CBFB: variants seen among roughly 807,000 people sequenced by gnomAD.
The protein encoded by CBFB is CBF-beta.
In CBFB, 9 loss-of-function variants were observed where a neutral mutation model predicts 30.4. The observed-to-expected ratio is 0.30, with a 90% confidence interval of 0.18 to 0.52. The LOEUF (loss-of-function observed/expected upper bound fraction) is 0.52. Among genes scored for constraint, CBFB ranks in the 20% least tolerant of loss-of-function variants. The pLI, the probability that CBFB is intolerant of heterozygous loss-of-function variation, is 0.97. For missense variants in CBFB, 170 were observed against 244.0 expected, an observed-to-expected ratio of 0.70 and a Z score of 2.02; for synonymous variants, 94 against 84.0, an observed-to-expected ratio of 1.12 and a Z score of -0.65.
chr16:67,084,783 G>T (rs979878422), intron 5 of CBFB, among the ~76,000 whole-genome samples: 3 of 151,800 alleles, frequency 2.0e-5, no homozygotes, highest in African/African-American at 7.3e-5. Context: ...GTGTGTGCGT[G>T]CATGGGTGCA....
chr16:67,043,851 G>A (rs1241096163), intron 3 of CBFB, among the ~76,000 whole-genome samples: 2 of 152,168 alleles, frequency 1.3e-5, no homozygotes, highest in African/African-American at 4.8e-5. Context: ...GTGTGCCTTA[G>A]GTAAGCTTCA....
intron 3 of CBFB, among the ~76,000 whole-genome samples, chr16:67,042,708 G>A (rs1284408464): frequency 1.3e-5 from 2 of 152,128 alleles, no homozygotes; most frequent in Non-Finnish European, 2.9e-5. Context: ...TCCATAGAGA[G>A]AAAAAGAGTG....
intron 3 of CBFB, among the ~76,000 whole-genome samples, chr16:67,057,497 C>G (rs960892215): frequency 1.3e-5 from 2 of 152,154 alleles, no homozygotes; most frequent in Non-Finnish European, 2.9e-5. Context: ...AAAATGCACC[C>G]TTATTCCCCC....
At chr16:67,074,772 C>T (rs1961340033) in intron 4 of CBFB, among the ~76,000 whole-genome samples, 1 of 152,102 alleles carries the variant, frequency 6.6e-6, no homozygotes, top group African/African-American at 2.4e-5. Context: ...AGATGCTAAA[C>T]TGTAAGTAAA....
At chr16:67,042,341 A>G (rs1597126851) in intron 3 of CBFB, among the ~76,000 whole-genome samples, 1 of 152,180 alleles carries the variant, frequency 6.6e-6, no homozygotes, top group African/African-American at 2.4e-5. Context: ...TTTTTTGAAG[A>G]GAAAAAAATT....
chr16:67,082,009 C>T (rs755479767), intron 4 of CBFB: 26 of 258,640 alleles, frequency 1.0e-4, no homozygotes, highest in Admixed American at 1.5e-4. Context: ...AGTAGAGATG[C>T]GGTTTCACCA....
At chr16:67,084,165 CAAAAAA>C (rs368748767) in intron 5 of CBFB, among the ~76,000 whole-genome samples, 19 of 54,328 alleles carry the variant, frequency 3.5e-4, no homozygotes, top group Admixed American at 1.1e-3. Context: ...GACCCTACCT[CAAAAAA>C]AAAAAAAAAA....
At chr16:67,072,435 A>G (rs1438143079) in intron 4 of CBFB, among the ~76,000 whole-genome samples, 1 of 151,960 alleles carries the variant, frequency 6.6e-6, no homozygotes, top group East Asian at 1.9e-4. Context: ...TGAAGAATAT[A>G]TAGATTTTTC....
intron 3 of CBFB, among the ~76,000 whole-genome samples, chr16:67,044,741 T>G (rs1966593702): frequency 6.6e-6 from 1 of 152,198 alleles, no homozygotes; most frequent in South Asian, 2.1e-4. Flanking sequence ...TGTGTTTGTT[T>G]ATATACCATC....
intron 3 of CBFB, among the ~76,000 whole-genome samples, chr16:67,050,517 G>C (rs1237249556): frequency 2.0e-5 from 3 of 151,924 alleles, no homozygotes. Flanking sequence ...GAACGTGGCC[G>C]GGCAAGGCTG....
chr16:67,046,763 C>T (rs917500126), intron 3 of CBFB, among the ~76,000 whole-genome samples: 1 of 152,096 alleles, frequency 6.6e-6, no homozygotes, highest in Non-Finnish European at 1.5e-5. Context: ...TTTTTAACAG[C>T]ATAAAAATGC....
chr16:67,072,134 TA>T (rs1215994449), intron 4 of CBFB, among the ~76,000 whole-genome samples: 2 of 152,244 alleles, frequency 1.3e-5, no homozygotes, highest in Non-Finnish European at 2.9e-5. Context: ...TTACTTATTG[TA>T]ACTGTATTAT....
intron 5 of CBFB, among the ~76,000 whole-genome samples, chr16:67,083,933 C>T (rs528205250): frequency 6.6e-6 from 1 of 151,938 alleles, no homozygotes; most frequent in Non-Finnish European, 1.5e-5. Context: ...CTTTGGGAGG[C>T]TGAGGTGGGA....
chr16:67,085,910 C>T (rs1961718841), intron 5 of CBFB, among the ~76,000 whole-genome samples: 1 of 151,682 alleles, frequency 6.6e-6, no homozygotes, highest in African/African-American at 2.4e-5. Context: ...GATCTCCTGA[C>T]CTCGTGATCT....
At position 67,076,593 on chromosome 16, in the gene CBFB, A is replaced by G. The variant is rs184684313; in HGVS notation, c.400-5620A>G. 4.4e-3 allele frequency among the ~76,000 whole-genome samples: 665 copies of G among 152,296 alleles called. 4 individuals are homozygous for G. Among genetic ancestry groups the G allele is most frequent in the South Asian group, 8.1e-3 (39 of 4,814 alleles). The stretch of plus-strand genomic sequence containing the variant: ...ATTCACAAAATTATGGATAGTGGTC[A>G]CCTCTAGGAACAGGAGGGAAACAGG... On this transcript the variant is annotated intron_variant, in intron 4 of 5. Transcript: ENST00000412916.
At chr16:67,078,231 A>G (rs1001145891) in intron 4 of CBFB, among the ~76,000 whole-genome samples, 5 of 152,220 alleles carry the variant, frequency 3.3e-5, no homozygotes, top group African/African-American at 9.6e-5. Context: ...TTCACTGCAC[A>G]TATGTCTCAC....
intron 4 of CBFB, among the ~76,000 whole-genome samples, chr16:67,068,888 G>A (rs1309208450): frequency 2.0e-5 from 3 of 152,022 alleles, no homozygotes; most frequent in Admixed American, 1.3e-4. Context: ...ATCAATAAAG[G>A]GATCTAAATT....
intron 5 of CBFB, among the ~76,000 whole-genome samples, chr16:67,091,736 T>C (rs1224530777): frequency 2.0e-5 from 3 of 152,252 alleles, no homozygotes; most frequent in Non-Finnish European, 4.4e-5. Context: ...TTTTAAAATT[T>C]TTTTTTAATT....
intron 3 of CBFB, among the ~76,000 whole-genome samples, chr16:67,039,429 C>G (rs1188700872): frequency 3.3e-5 from 5 of 152,134 alleles, no homozygotes; most frequent in Admixed American, 3.3e-4. Context: ...GAATGTGATT[C>G]TGTAGATTAT....
Sources: gnomAD v4.1 joint callset for allele counts (sites outside exome capture counted in the v4.1 genomes callset) on GRCh38, gnomAD v4.1.1 for gene constraint, MANE v1.5 for transcripts, NCBI Gene and HGNC (gene_info 2026-07-23, HGNC 2026-07-21) for gene names.